Variants in RHOT2 observed in about 807,000 individuals in gnomAD.
RHOT2 encodes the protein mitochondrial Rho GTPase 2.
Under a neutral mutation model 81.6 loss-of-function variants are expected in RHOT2, and 90 were observed. The observed-to-expected ratio is 1.10, with a 90% CI of 0.93 to 1.31. The LOEUF (loss-of-function observed/expected upper bound fraction) is 1.31, where lower values mean the gene tolerates loss of function less well. RHOT2 is among the 40% of genes most tolerant of loss of function. The pLI is 0.00. For synonymous variants in RHOT2, 512 were observed against 370.9 expected (o/e 1.38, Z -4.37); for missense variants, 1,014 against 841.9 (o/e 1.20, Z -2.53).
At chr16:669,850 C>T (rs1279312997) in intron 5 of RHOT2, 2 of 616,700 alleles carry the variant, frequency 3.2e-6, no homozygotes, top group Non-Finnish European at 5.7e-6. Flanking sequence ...GTTTCCAAAC[C>T]CCCGGGGGGG....
At chr16:669,702 C>T in intron 5 of RHOT2, 96 bp downstream of exon 5, 2 of 1,301,280 alleles carry the variant, frequency 1.5e-6, no homozygotes, top group South Asian at 1.2e-5. Flanking sequence ...CCATCGCTCA[C>T]AGCATTTTGG....
intron 1 of RHOT2, 40 bp from the exon 2 acceptor site, chr16:668,313 G>GTATCATT: frequency 7.8e-7 from 1 of 1,290,320 alleles, no homozygotes; most frequent in Non-Finnish European, 9.8e-7. Flanking sequence ...GGGGGGCGCC[G>GTATCATT]TGACCTTGGC....
At position 670,107 on chromosome 16, in the gene RHOT2, A is replaced by G. The variant is rs942505517; in HGVS notation, c.277-16A>G. ...CCGCGGGCAGCCTCACTTCACAGCC[A>G]GGCTTTGCTTTTCAGATTCGAACTA... is the stretch of plus-strand genomic sequence containing the variant. On this transcript the variant is annotated splice_polypyrimidine_tract_variant and intron_variant, in intron 5 of 18. Coordinates refer to ENST00000315082, the MANE Select transcript of RHOT2 (RefSeq NM_138769.3). 6.4e-7 allele frequency: 1 copy of G among 1,552,468 alleles called. No homozygotes were observed. Among genetic ancestry groups the G allele is most frequent in the Non-Finnish European group, 8.7e-7 (1 of 1,150,680 alleles).
chr16:671,586 G>C, intron 11 of RHOT2, 111 bp from the exon 12 acceptor site: 1 of 1,202,304 alleles, frequency 8.3e-7, no homozygotes, highest in Non-Finnish European at 1.2e-6. Context: ...GAGCCTCTGG[G>C]TCCTGTAGGG....
Position 672,807 on chromosome 16 carries a change from T to C in RHOT2, c.1509T>C (p.His503=), listed in dbSNP as rs1395658850. ...GCAGTGACCCAAAGTCCTTTGCACA[T>C]TGTGCCAGCGTCTACAAGGTGGGGC... ...FDGSDPKSFA[H]CASVYKHHYM... is the part of the protein sequence containing the mutation. The change falls in exon 17 of 19, where the codon CAT becomes CAC. Residue 503 remains histidine (H), a synonymous_variant. Transcript: ENST00000315082. The C allele has an allele frequency of 1.9e-6, 3 of 1,612,648 alleles. No homozygotes were observed. Among genetic ancestry groups the C allele is most frequent in the Non-Finnish European group, 1.7e-6 (2 of 1,179,968 alleles).
In RHOT2 at chr16:671,168, T is replaced by C. The variant is rs141691318; in HGVS notation, c.834T>C (p.Asp278=). The change falls in exon 11 of 19, where the codon GAT becomes GAC. Residue 278 remains aspartate, a synonymous_variant. Transcript: ENST00000315082. ...TCCTGCGGCGCTTCGGCTACAGCGATGCCCTGGAGCTGACTGCGGACTATC... is the reference window on the plus strand; with the variant it reads ...TCCTGCGGCGCTTCGGCTACAGCGACGCCCTGGAGCTGACTGCGGACTATC... ...WTILRRFGYS[D]ALELTADYLS... is the part of the protein sequence containing the mutation. The C allele has an allele frequency of 7.6e-4, 1,215 of 1,588,436 alleles. 2 individuals carry two copies. Among genetic ancestry groups the C allele is most frequent in the Non-Finnish European group, 4.5e-4 (528 of 1,167,314 alleles).
At position 670,152 on chromosome 16, in the gene RHOT2, T is replaced by TG; in HGVS notation, c.312dup (p.Thr105AspfsTer38). ...GAACTAAGTGGATCCCACTGGTGAA[T>TG]GGGGGGACCACGCAGGGGCCCAGGT... On this transcript the variant is annotated frameshift_variant, in exon 6 of 19. Transcript: ENST00000315082. LOFTEE classifies it high-confidence loss of function. 6.3e-7 allele frequency: 1 copy of TG among 1,590,884 alleles called. No individual in the cohort carries two copies. The highest frequency in any genetic ancestry group is 8.5e-7 in the Non-Finnish European group (1 of 1,169,944).
In RHOT2 at chr16:671,684, G is replaced by A; in HGVS notation, c.870-13G>A. On this transcript the variant is annotated splice_polypyrimidine_tract_variant and intron_variant, in intron 11 of 18. Transcript: ENST00000315082. Reference sequence around the variant, plus strand: ...GTCTCCTGGGAGCTAGACGGGCTGTGGCCTCCCTGCAGGATCCACGTGCCC... The same window carrying A: ...GTCTCCTGGGAGCTAGACGGGCTGTAGCCTCCCTGCAGGATCCACGTGCCC... 1 of 1,609,272 alleles carries A rather than the reference G, an allele frequency of 6.2e-7. No homozygotes were observed. The highest frequency in any genetic ancestry group is 8.5e-7 in the Non-Finnish European group (1 of 1,177,404).
At chr16:669,423 C>T in intron 4 of RHOT2, 130 bp from the exon 5 acceptor site, 1 of 876,022 alleles carries the variant, frequency 1.1e-6, no homozygotes, top group Non-Finnish European at 1.8e-6. Context: ...CTTTCCCGGC[C>T]TCAGAGCTGC....
Position 673,604 on chromosome 16 carries a change from T to C in RHOT2, c.1855T>C (p.Ter619ArgextTer10). 6.2e-7 allele frequency: 1 copy of C among 1,605,838 alleles called. No homozygotes were observed. Among genetic ancestry groups the C allele is most frequent in the Non-Finnish European group, 8.5e-7 (1 of 1,177,690 alleles). ...SLYRVLVKSQ[*>R] ...CTACAGGGTCCTGGTGAAGAGCCAG[T>C]GAGGCCCCTGGTACCCAAGCCCCCT... Residue 619 changes from the stop codon to arginine (R), a stop_lost, in exon 19 of 19, where the codon TGA (stop) becomes CGA (arginine). Coordinates refer to ENST00000315082, the MANE Select transcript of RHOT2 (RefSeq NM_138769.3).
rs1286646181 is a variant in RHOT2 at position 671,204 on chromosome 16, G to A, written c.869+1G>A. 6.5e-7 allele frequency: 1 copy of A among 1,545,814 alleles called. No individual in the cohort carries two copies. Among genetic ancestry groups the A allele is most frequent in the Non-Finnish European group, 8.7e-7 (1 of 1,144,376 alleles). Reference sequence around the variant, plus strand: ...TGACTGCGGACTATCTCTCCCCTCTGTGAGTGATGCCGGGGCTTGAGGCCT... The same window carrying A: ...TGACTGCGGACTATCTCTCCCCTCTATGAGTGATGCCGGGGCTTGAGGCCT... On this transcript the variant is annotated splice_donor_variant, in intron 11 of 18. Transcript: ENST00000315082. LOFTEE classifies it high-confidence loss of function.
Position 668,708 on chromosome 16 carries a change from G to C in RHOT2, c.222+9G>C. On this transcript the variant is annotated intron_variant, in intron 4 of 18. Coordinates refer to ENST00000315082, the MANE Select transcript of RHOT2 (RefSeq NM_138769.3). ...GGGAGGAGATCCACAAGGTACCCGT[G>C]GTGCGCGGGACGAGGGAGGGGCTGG... 1 of 1,592,536 alleles carries C rather than the reference G, an allele frequency of 6.3e-7. No homozygotes were observed. Among genetic ancestry groups the C allele is most frequent in the Non-Finnish European group, 8.5e-7 (1 of 1,171,588 alleles).
chr16:670,102 C>T (rs756950494), intron 5 of RHOT2, 21 bp from the exon 6 acceptor site: 2 of 1,547,216 alleles, frequency 1.3e-6, no homozygotes, highest in Non-Finnish European at 1.7e-6. Context: ...CCTCACTTCA[C>T]AGCCAGGCTT....
At chr16:668,460 C>G in intron 2 of RHOT2, 28 bp from the exon 3 acceptor site, 1 of 1,588,416 alleles carries the variant, frequency 6.3e-7, no homozygotes, top group Non-Finnish European at 8.6e-7. Flanking sequence ...AGCCGGGGGT[C>G]CCTGGTGAGC....
In RHOT2 at chr16:673,900, CG is replaced by C; in HGVS notation, c.*298del. 1 of 596,820 alleles carries C rather than the reference CG, an allele frequency of 1.7e-6. No individual in the cohort carries two copies. Among genetic ancestry groups the C allele is most frequent in the Admixed American group, 2.2e-5 (1 of 44,752 alleles). The allele number at this position is 596,820 out of a possible 1,614,324, so 37.0% of individuals were successfully genotyped here. A position where few individuals can be genotyped will look rare whatever the true frequency, so the allele number is the denominator to read the frequency against. On this transcript the variant is annotated 3_prime_UTR_variant, in exon 19 of 19. Transcript: ENST00000315082. ...CCCCTGGGCATCATGTGTGTGGGGC[CG>C]GGGAGCACAGGTGTGGGAGCTGGTG...
chr16:673,019 C>T lies in RHOT2; in HGVS notation c.1619C>T (p.Ala540Val), dbSNP rs1275061666. The T allele has an allele frequency of 1.2e-6, 2 of 1,612,490 alleles. No individual in the cohort carries two copies. Among genetic ancestry groups the T allele is most frequent in the Admixed American group, 1.7e-5 (1 of 60,030 alleles). The change falls in exon 18 of 19, where the codon GCC (alanine) becomes GTC (valine). Residue 540 changes from alanine to valine, a missense_variant. Ala to Val is a moderately conservative substitution (Grantham distance 64, BLOSUM62 0). Coordinates refer to ENST00000315082, the MANE Select transcript of RHOT2 (RefSeq NM_138769.3). ...GTCGCGGTGTCTGGCCCATCACCGGCCGAGTTTTGCCGCAAGCACCGGCTA... is the reference window on the plus strand; with the variant it reads ...GTCGCGGTGTCTGGCCCATCACCGGTCGAGTTTTGCCGCAAGCACCGGCTA... ...EGVAVSGPSPAEFCRKHRLPA... is the reference protein window; with the variant it reads ...EGVAVSGPSPVEFCRKHRLPA...
chr16:670,797 T>C, intron 9 of RHOT2, 24 bp downstream of exon 9: 1 of 1,609,892 alleles, frequency 6.2e-7, no homozygotes, highest in Non-Finnish European at 8.5e-7. Flanking sequence ...CCACCCTCGG[T>C]GCCCAGCCCC....
In RHOT2 at chr16:672,968, C is replaced by T. The variant is rs374331798; in HGVS notation, c.1568C>T (p.Ser523Phe). ...MDGQTPCLFV[S>F]SKADLPEGVA... is the part of the protein sequence containing the mutation. ...GGGCAGACCCCCTGCCTCTTTGTCTCCTCCAAGGCCGACCTGCCCGAAGGT... is the reference window on the plus strand; with the variant it reads ...GGGCAGACCCCCTGCCTCTTTGTCTTCTCCAAGGCCGACCTGCCCGAAGGT... The change falls in exon 18 of 19, where the codon TCC (serine) becomes TTC (phenylalanine). Residue 523 changes from serine (S) to phenylalanine (F), a missense_variant. Transcript: ENST00000315082. 3.7e-5 allele frequency: 60 copies of T among 1,612,828 alleles called. No individual in the cohort carries two copies. The highest frequency in any genetic ancestry group is 2.7e-4 in the Admixed American group (16 of 60,030).
rs1323853031 is a variant in RHOT2, at chr16:673,050, TC to T, written c.1653del (p.Val552CysfsTer64). The T allele has an allele frequency of 1.2e-6, 2 of 1,611,884 alleles. No homozygotes were observed. Among genetic ancestry groups the T allele is most frequent in the African/African-American group, 1.3e-5 (1 of 75,014 alleles). Reference sequence around the variant, plus strand: ...TTTGCCGCAAGCACCGGCTACCCGCTCCCGTGCCGTTCTCCTGTGCTGGCCC... The same window carrying T: ...TTTGCCGCAAGCACCGGCTACCCGCTCCGTGCCGTTCTCCTGTGCTGGCCC... ...EFCRKHRLPA[P>X]VPFSCAGPAE... On this transcript the variant is annotated frameshift_variant, in exon 18 of 19. Coordinates refer to ENST00000315082, the MANE Select transcript of RHOT2 (RefSeq NM_138769.3). LOFTEE classifies it high-confidence loss of function.
Sources: gnomAD v4.1 joint callset for allele counts on GRCh38, gnomAD v4.1.1 for gene constraint, MANE v1.5 for transcripts, NCBI Gene and HGNC (gene_info 2026-07-23, HGNC 2026-07-21) for gene names.